LRP4: variants seen among roughly 807,000 people sequenced by gnomAD.
LRP4 encodes low-density lipoprotein receptor-related protein 4.
In LRP4, 95 loss-of-function variants were observed where a neutral mutation model predicts 220.3. The observed-to-expected ratio is 0.43, with a 90% CI of 0.37 to 0.51. The LOEUF is 0.51. Ranked by LOEUF, LRP4 falls within the 20% of genes least tolerant of loss-of-function variation. The probability of loss-of-function intolerance (pLI) is 0.00; values close to 1 mark genes in which losing one functional copy is unlikely to be tolerated. For synonymous variants in LRP4, 903 were observed against 954.6 expected (o/e 0.95, Z 1.00); for missense variants, 1,925 against 2,567.0 (o/e 0.75, Z 5.40).
Position 46,875,163 on chromosome 11 carries a change from A to G in LRP4, c.3926-60T>C. 6.5e-7 allele frequency: 1 copy of G among 1,548,988 alleles called. No homozygotes were observed. Among genetic ancestry groups the G allele is most frequent in the Non-Finnish European group, 8.8e-7 (1 of 1,136,740 alleles). On this transcript the variant is annotated intron_variant, in intron 27 of 37. Transcript: ENST00000378623. The surrounding 1 kb of genome is among the most constrained non-coding windows in gnomAD (Gnocchi z 4.5). Reference sequence around the variant, plus strand: ...CTGGAACATCATCTGAATCTTACAAAGGTCCCAGTTGTTTGTGGCTGGCTC... The same window carrying G: ...CTGGAACATCATCTGAATCTTACAAGGGTCCCAGTTGTTTGTGGCTGGCTC...
chr11:46,895,155 A>G lies in LRP4; in HGVS notation c.1309+11T>C. 1.2e-6 allele frequency: 2 copies of G among 1,613,748 alleles called. No individual in the cohort carries two copies. The highest frequency in any genetic ancestry group is 1.7e-5 in the Admixed American group (1 of 60,018). ...CCTCTGCCCACCCAGCCAAGTGCCA[A>G]CAGCCCTTACCCAGAGCCTTGCAGC... On this transcript the variant is annotated intron_variant, in intron 11 of 37. Coordinates refer to ENST00000378623, the MANE Select transcript of LRP4 (RefSeq NM_002334.4).
rs1229377791 is a variant in LRP4 at position 46,896,002 on chromosome 11, C to T, written c.1065G>A (p.Glu355=). The T allele has an allele frequency of 8.1e-6, 13 of 1,614,030 alleles. No homozygotes were observed. The East Asian group carries it at 2.9e-4, about 36-fold the overall frequency. Residue 355 remains glutamate (E), a synonymous_variant, in exon 10 of 38, where the codon GAG becomes GAA. Coordinates refer to ENST00000378623, the MANE Select transcript of LRP4 (RefSeq NM_002334.4). ...PQQNCRPRTG[E]ENCNVNNGGC... is the part of the protein sequence containing the mutation. ...CACCGTTGTTAACATTGCAGTTCTC[C>T]TCACCCGTCCGGGGCCCTGTGCCAG...
intron 15 of LRP4, chr11:46,889,743 G>T: frequency 1.2e-6 from 1 of 824,166 alleles, no homozygotes; most frequent in Non-Finnish European, 2.0e-6. Context: ...TGGGAACGGT[G>T]AAGTCTAATG....
chr11:46,913,083 C>T (rs1217427830), intron 1 of LRP4, among the ~76,000 whole-genome samples: 3 of 152,144 alleles, frequency 2.0e-5, no homozygotes, highest in Admixed American at 6.5e-5. Flanking sequence ...TCCCCTCATT[C>T]GAACCTGAAT....
At chr11:46,913,911 A>T (rs1280000434) in intron 1 of LRP4, among the ~76,000 whole-genome samples, 1 of 152,200 alleles carries the variant, frequency 6.6e-6, no homozygotes, top group Admixed American at 6.5e-5. Context: ...GGGAGAAAGA[A>T]GGGGCAGATC....
chr11:46,894,538 G>A (rs756811997), intron 12 of LRP4, 51 bp downstream of exon 12: 6 of 1,406,640 alleles, frequency 4.3e-6, no homozygotes, highest in Non-Finnish European at 5.9e-6. Flanking sequence ...TCCCACCGTT[G>A]CTGCGCATGT....
At chr11:46,874,667 TG>T in intron 28 of LRP4, 132 bp downstream of exon 28, 9 of 734,506 alleles carry the variant, frequency 1.2e-5, no homozygotes, top group Non-Finnish European at 1.9e-5. Context: ...CACTACAAAG[TG>T]AACAAGTCAG....
intron 31 of LRP4, among the ~76,000 whole-genome samples, chr11:46,870,851 C>A (rs1037075540): frequency 6.6e-6 from 1 of 152,190 alleles, no homozygotes; most frequent in Non-Finnish European, 1.5e-5. Flanking sequence ...GTAGCGATAA[C>A]ATGTATGTGG....
At chr11:46,867,046 C>T (rs1005588557) in intron 34 of LRP4, among the ~76,000 whole-genome samples, 2 of 152,162 alleles carry the variant, frequency 1.3e-5, no homozygotes, top group African/African-American at 2.4e-5. Flanking sequence ...AGGCATGTGA[C>T]TTACAATCAA....
intron 34 of LRP4, 105 bp downstream of exon 34, chr11:46,867,874 G>T: frequency 7.3e-7 from 1 of 1,378,374 alleles, no homozygotes; most frequent in Non-Finnish European, 1.0e-6. Context: ...GGTAGCTCCT[G>T]ACATAATCTA....
At chr11:46,868,844 G>T in intron 32 of LRP4, 131 bp from the exon 33 acceptor site, 2 of 1,284,316 alleles carry the variant, frequency 1.6e-6, no homozygotes, top group Non-Finnish European at 2.3e-6. Flanking sequence ...ATACAACCGC[G>T]AGGGAGTAAA....
intron 1 of LRP4, among the ~76,000 whole-genome samples, chr11:46,911,305 G>T (rs1283903637): frequency 1.3e-5 from 2 of 152,044 alleles, no homozygotes; most frequent in Non-Finnish European, 2.9e-5. Flanking sequence ...GCCCTACCTG[G>T]AAGCTGTCAA....
intron 36 of LRP4, among the ~76,000 whole-genome samples, chr11:46,863,724 A>T (rs1379692280): frequency 6.6e-6 from 1 of 151,952 alleles, no homozygotes; most frequent in African/African-American, 2.4e-5. Flanking sequence ...GCACCACTGC[A>T]CTCCAGCCTG....
At position 46,889,550 on chromosome 11, in the gene LRP4, G is replaced by A; in HGVS notation, c.2093-17C>T. The A allele has an allele frequency of 6.2e-7, 1 of 1,612,978 alleles. No individual in the cohort carries two copies. The highest frequency in any genetic ancestry group is 1.7e-5 in the Admixed American group (1 of 60,012). On this transcript the variant is annotated splice_polypyrimidine_tract_variant and intron_variant, in intron 15 of 37. Transcript: ENST00000378623. Reference sequence around the variant, plus strand: ...GGTTTTTCCCTGCTCAAAGAGCCCAGGGCAAGAGGATCAGCGAAGGTCTGC... The same window carrying A: ...GGTTTTTCCCTGCTCAAAGAGCCCAAGGCAAGAGGATCAGCGAAGGTCTGC...
In LRP4 at chr11:46,879,112, C is replaced by T. The variant is rs201224097; in HGVS notation, c.3004+14G>A. On this transcript the variant is annotated intron_variant, in intron 21 of 37. Coordinates refer to ENST00000378623, the MANE Select transcript of LRP4 (RefSeq NM_002334.4). ...GGGCCACGGAGAAGCCAATGCGAGC[C>T]AAGGGCTGCTCACCTGGGGGCCGGC... is the stretch of plus-strand genomic sequence containing the variant. 1 of 1,614,108 alleles carries T rather than the reference C, an allele frequency of 6.2e-7. No individual in the cohort carries two copies.
chr11:46,916,016 C>G (rs1225540020), intron 1 of LRP4, among the ~76,000 whole-genome samples: 1 of 152,174 alleles, frequency 6.6e-6, no homozygotes, highest in Non-Finnish European at 1.5e-5. Flanking sequence ...ATCTGACCCC[C>G]CAGACCTCCA....
Position 46,875,770 on chromosome 11 carries a change from G to A in LRP4, c.3699+34C>T. ...TAGGCAGGCCTTTCCCATCTTCCCA[G>A]GCTCCTGGGAAGCAGCAGGGACACG... On this transcript the variant is annotated intron_variant, in intron 26 of 37. Coordinates refer to ENST00000378623, the MANE Select transcript of LRP4 (RefSeq NM_002334.4). The surrounding 1 kb of genome is among the most constrained non-coding windows in gnomAD (Gnocchi z 4.5). 1 of 1,613,986 alleles carries A rather than the reference G, an allele frequency of 6.2e-7. No individual in the cohort carries two copies. Among genetic ancestry groups the A allele is most frequent in the Non-Finnish European group, 8.5e-7 (1 of 1,179,964 alleles).
At position 46,877,319 on chromosome 11, in the gene LRP4, A is replaced by C; in HGVS notation, c.3157T>G (p.Phe1053Val). ...CSPGMNSFLIFARRIDIRMVS... is the reference protein window; with the variant it reads ...CSPGMNSFLIVARRIDIRMVS... ...ATGCGAATGTCTATCCTCCTGGCGA[A>C]GATGAGGAAACTGTTCATGCCTGCC... Residue 1053 changes from phenylalanine to valine, a missense_variant, in exon 23 of 38, where the codon TTC becomes GTC. By Grantham distance (50) the Phe-to-Val change is conservative. Coordinates refer to ENST00000378623, the MANE Select transcript of LRP4 (RefSeq NM_002334.4). 1 of 1,614,166 alleles carries C rather than the reference A, an allele frequency of 6.2e-7. No individual in the cohort carries two copies. The highest frequency in any genetic ancestry group is 8.5e-7 in the Non-Finnish European group (1 of 1,180,026).
rs754071316 is a variant in LRP4 at position 46,900,304 on chromosome 11, C to T, written c.274G>A (p.Gly92Arg). The T allele has an allele frequency of 3.0e-5, 49 of 1,613,984 alleles. No homozygotes were observed. The highest frequency in any genetic ancestry group is 5.5e-5 in the South Asian group (5 of 91,076). ...KCIRRSWVCDGDNDCEDDSDE... is the reference protein window; with the variant it reads ...KCIRRSWVCDRDNDCEDDSDE... ...GAGTCATCCTCACAGTCGTTGTCCCCGTCACACACCCAGGAGCGGCGGATG... is the reference window on the plus strand; with the variant it reads ...GAGTCATCCTCACAGTCGTTGTCCCTGTCACACACCCAGGAGCGGCGGATG... The change falls in exon 3 of 38, where the codon GGG (glycine) becomes AGG (arginine). Residue 92 changes from glycine to arginine, a missense_variant. Gly to Arg is a moderately radical substitution (Grantham distance 125). Transcript: ENST00000378623.
Sources: gnomAD v4.1 joint callset for allele counts (sites outside exome capture counted in the v4.1 genomes callset) on GRCh38, gnomAD v4.1.1 for gene constraint, Gnocchi (gnomAD v3.1) non-coding constraint, MANE v1.5 for transcripts, NCBI Gene and HGNC (gene_info 2026-07-23, HGNC 2026-07-21) for gene names.